The following IQCB1 variants were observed in gnomAD, a reference collection of about 807,000 sequenced individuals.
IQCB1 encodes the protein IQ calmodulin-binding motif-containing protein 1.
In IQCB1, 56 loss-of-function variants were observed where a neutral mutation model predicts 84.4. The ratio of observed to expected loss-of-function variants is 0.66; its 90% CI spans 0.54 to 0.83. IQCB1 has a LOEUF of 0.83. Ranked by LOEUF, IQCB1 falls within the 40% of genes least tolerant of loss-of-function variation. IQCB1 has a pLI of 0.00. For missense variants in IQCB1, 629 were observed against 682.1 expected (o/e 0.92, Z 0.87); for synonymous variants, 210 against 234.8 (o/e 0.89, Z 0.96).
At chr3:121,831,301 T>C (rs1185439557) in intron 2 of IQCB1, among the ~76,000 whole-genome samples, 1 of 151,754 alleles carries the variant, frequency 6.6e-6, no homozygotes, top group Non-Finnish European at 1.5e-5. Flanking sequence ...GCCTCCCAAG[T>C]AGCTGGGACT....
At chr3:121,793,858 G>A (rs568511297) in intron 10 of IQCB1, among the ~76,000 whole-genome samples, 2 of 152,276 alleles carry the variant, frequency 1.3e-5, no homozygotes, top group East Asian at 1.9e-4. Flanking sequence ...CTTTTAAATA[G>A]AGATTTTAAT....
rs1947910729 is a variant in IQCB1 at position 121,770,197 on chromosome 3, A to AT, written c.*147dup. ...AAGAAAATTGAGAGAGAGGTAGAAT[A>AT]TAACTCTTTGCTTACTGCAGGTCTT... On this transcript the variant is annotated 3_prime_UTR_variant, in exon 15 of 15. Coordinates refer to ENST00000310864, the MANE Select transcript of IQCB1 (RefSeq NM_001023570.4). 3.8e-5 allele frequency: 24 copies of AT among 626,902 alleles called. No individual in the cohort carries two copies. The South Asian group carries it at 4.3e-4, about 11-fold the overall frequency. 38.8% of individuals were successfully genotyped at this position (626,902 alleles called of 1,614,324 possible).
chr3:121,814,828 G>C (rs531086429), intron 5 of IQCB1, among the ~76,000 whole-genome samples: 2 of 152,198 alleles, frequency 1.3e-5, no homozygotes, highest in East Asian at 3.9e-4. Flanking sequence ...TTCTACCAGA[G>C]GTACAAAGAG....
At chr3:121,803,823 A>G (rs1949503457) in intron 7 of IQCB1, among the ~76,000 whole-genome samples, 1 of 152,076 alleles carries the variant, frequency 6.6e-6, no homozygotes, top group African/African-American at 2.4e-5. Context: ...CTTTTAACCT[A>G]CTTGTGTCTT....
rs2108590124 is a variant in IQCB1, at chr3:121,807,118, T to C, written c.587+226A>G. ...ATAATAAATTTCCAGTCTTTTGTAG[T>C]ATTTTATATTAATTTTTCTGAAAGA... On this transcript the variant is annotated intron_variant, in intron 7 of 14. Transcript: ENST00000310864. 2.0e-5 allele frequency among the ~76,000 whole-genome samples: 3 copies of C among 147,674 alleles called. No homozygotes were observed. In the East Asian group the frequency reaches 5.9e-4, roughly 29 times the overall value.
chr3:121,799,080 T>C (rs1949306624), intron 8 of IQCB1, 116 bp downstream of exon 8: 2 of 722,708 alleles, frequency 2.8e-6, no homozygotes, highest in African/African-American at 1.8e-5. Flanking sequence ...GTTGTGAGTT[T>C]TATCTACATA....
At chr3:121,801,794 T>C (rs1949416762) in intron 7 of IQCB1, among the ~76,000 whole-genome samples, 1 of 146,998 alleles carries the variant, frequency 6.8e-6, no homozygotes, top group Non-Finnish European at 1.5e-5. Context: ...CTTGTATTAC[T>C]ACTTTGCTGC....
At chr3:121,833,848 T>G (rs540485678) in intron 2 of IQCB1, 1 of 138,844 alleles carries the variant, frequency 7.2e-6, no homozygotes, top group East Asian at 2.0e-4. Flanking sequence ...AAATGTAGTA[T>G]AAGTGTAGAG....
chr3:121,825,679 AG>A (rs1276168737), intron 5 of IQCB1, among the ~76,000 whole-genome samples: 1 of 152,228 alleles, frequency 6.6e-6, no homozygotes. Context: ...GAGATCAAAT[AG>A]GAAGTTCACC....
chr3:121,777,014 A>G (rs1466648856), intron 13 of IQCB1, among the ~76,000 whole-genome samples: 1 of 152,200 alleles, frequency 6.6e-6, no homozygotes, highest in Non-Finnish European at 1.5e-5. Flanking sequence ...CAATATATCA[A>G]ATTTTCCTTT....
At position 121,808,985 on chromosome 3, in the gene IQCB1, G is replaced by A. The variant is rs1949719237; in HGVS notation, c.418C>T (p.His140Tyr). The A allele has an allele frequency of 4.4e-6, 7 of 1,606,414 alleles. No individual in the cohort carries two copies. Among genetic ancestry groups the A allele is most frequent in the Non-Finnish European group, 5.1e-6 (6 of 1,173,876 alleles). The change falls in exon 6 of 15, where the codon CAC becomes TAC. Residue 140 changes from histidine (H) to tyrosine (Y), a missense_variant. His to Tyr is a moderately conservative substitution (Grantham distance 83). Coordinates refer to ENST00000310864, the MANE Select transcript of IQCB1 (RefSeq NM_001023570.4). ...GAATCAGTCACAATTTGGAAAAAGT[G>A]TAGTAATTCATCTTTTTCTTCAGCC... ...AKAEEKDELL[H>Y]FFQIVTDSLF...
At chr3:121,781,660 CACAA>C in intron 13 of IQCB1, 79 bp downstream of exon 13, 2 of 1,090,062 alleles carry the variant, frequency 1.8e-6, no homozygotes, top group Non-Finnish European at 2.7e-6. Context: ...CACACACACA[CACAA>C]TATATGTGTG....
At chr3:121,796,978 A>G in intron 9 of IQCB1, 140 bp downstream of exon 9, 1 of 657,814 alleles carries the variant, frequency 1.5e-6, no homozygotes. Context: ...CCTCCTGAGT[A>G]AAAAATTTAA....
intron 13 of IQCB1, among the ~76,000 whole-genome samples, chr3:121,778,758 T>C (rs540598898): frequency 2.3e-4 from 35 of 151,984 alleles, no homozygotes; most frequent in African/African-American, 8.0e-4. Flanking sequence ...GTACAAAAAT[T>C]AGCTGAGCAT....
In IQCB1 at chr3:121,770,079, T is replaced by C. The variant is rs1250705856; in HGVS notation, c.*266A>G. 8 of 286,190 alleles carry C rather than the reference T, an allele frequency of 2.8e-5. No homozygotes were observed. The highest frequency in any genetic ancestry group is 4.6e-5 in the Non-Finnish European group (7 of 152,766). The allele number at this position is 286,190 out of a possible 1,614,324, so 17.7% of individuals were successfully genotyped here. A position where few individuals can be genotyped will look rare whatever the true frequency, so the allele number is the denominator to read the frequency against. ...AGAAACCAAAGAAAAACACACTTCATGTAAACAACAGAACACTATGCTAAG... is the reference window on the plus strand; with the variant it reads ...AGAAACCAAAGAAAAACACACTTCACGTAAACAACAGAACACTATGCTAAG... On this transcript the variant is annotated 3_prime_UTR_variant, in exon 15 of 15. Transcript: ENST00000310864.
At chr3:121,825,035 G>A (rs1026975971) in intron 5 of IQCB1, among the ~76,000 whole-genome samples, 8 of 150,704 alleles carry the variant, frequency 5.3e-5, no homozygotes, top group Admixed American at 1.3e-4. Flanking sequence ...ATGGAACTGT[G>A]CAAAACAAAG....
chr3:121,811,271 C>T (rs1164014106), intron 5 of IQCB1, among the ~76,000 whole-genome samples: 1 of 152,134 alleles, frequency 6.6e-6, no homozygotes. Context: ...TTTTGCAACC[C>T]ACAGACCAGG....
intron 13 of IQCB1, among the ~76,000 whole-genome samples, chr3:121,773,487 T>C (rs1323505584): frequency 1.3e-5 from 2 of 152,206 alleles, no homozygotes; most frequent in African/African-American, 4.8e-5. Context: ...CAAAGGACCA[T>C]GTTCTTTTGG....
chr3:121,818,116 C>T (rs1442950205), intron 5 of IQCB1, among the ~76,000 whole-genome samples: 1 of 152,138 alleles, frequency 6.6e-6, no homozygotes, highest in Non-Finnish European at 1.5e-5. Flanking sequence ...AATATCTGTC[C>T]ATAATTGACA....
Sources: gnomAD v4.1 joint callset for allele counts (sites outside exome capture counted in the v4.1 genomes callset) on GRCh38, gnomAD v4.1.1 for gene constraint, MANE v1.5 for transcripts, NCBI Gene and HGNC (gene_info 2026-07-23, HGNC 2026-07-21) for gene names.